Variants in SIPA1L3 observed in about 807,000 individuals in gnomAD.
SIPA1L3 encodes the protein signal-induced proliferation-associated 1-like protein 3.
In SIPA1L3, 59 loss-of-function variants were observed where a neutral mutation model predicts 150.1. The ratio of observed to expected loss-of-function variants is 0.39; its 90% CI spans 0.32 to 0.49. The LOEUF is 0.49. Ranked by LOEUF, SIPA1L3 falls within the 20% of genes least tolerant of loss-of-function variation. The pLI is 0.86. For missense variants in SIPA1L3, 2,211 were observed against 2,489.5 expected, an observed-to-expected ratio of 0.89 and a Z score of 2.38; for synonymous variants, 1,070 against 1,077.6, an observed-to-expected ratio of 0.99 and a Z score of 0.14.
chr19:38,136,035 G>A (rs1025019091), intron 10 of SIPA1L3, among the ~76,000 whole-genome samples: 9 of 151,664 alleles, frequency 5.9e-5, no homozygotes, highest in Non-Finnish European at 1.3e-4. Context: ...CAAGGCTGGA[G>A]TTTTGTTTGG....
chr19:38,192,937 C>T (rs1266719255), intron 17 of SIPA1L3, among the ~76,000 whole-genome samples: 1 of 152,142 alleles, frequency 6.6e-6, no homozygotes, highest in Non-Finnish European at 1.5e-5. Context: ...CAGCTTGGCT[C>T]ACACCACCTT....
intron 1 of SIPA1L3, among the ~76,000 whole-genome samples, chr19:37,947,073 G>T (rs1599827883): frequency 6.6e-6 from 1 of 150,490 alleles, no homozygotes. Flanking sequence ...GCACACCTGT[G>T]GTCTCAGCTA....
Position 38,162,293 on chromosome 19 carries a change from C to T in SIPA1L3, c.3702C>T (p.Ala1234=), listed in dbSNP as rs1282572963. Residue 1234 remains alanine, a synonymous_variant, in exon 14 of 22, where the codon GCC becomes GCT. Coordinates refer to ENST00000222345, the MANE Select transcript of SIPA1L3 (RefSeq NM_015073.3). ...TGCCTGCCCAGGCCAGGCTCTCAGCCATAGCCGGAAGCAGCGGGAACAAGC... is the reference window on the plus strand; with the variant it reads ...TGCCTGCCCAGGCCAGGCTCTCAGCTATAGCCGGAAGCAGCGGGAACAAGC... The part of the protein sequence containing the change: ...WHVPAQARLS[A]IAGSSGNKHP... 1.2e-6 allele frequency: 2 copies of T among 1,614,156 alleles called. No homozygotes were observed. Among genetic ancestry groups the T allele is most frequent in the African/African-American group, 1.3e-5 (1 of 74,958 alleles).
intron 12 of SIPA1L3, among the ~76,000 whole-genome samples, chr19:38,142,912 G>A (rs191169389): frequency 9.9e-5 from 15 of 152,264 alleles, no homozygotes; most frequent in Middle Eastern, 3.4e-3. Flanking sequence ...AGGACCCATC[G>A]TTGGCTTTCC....
At chr19:38,099,731 A>G (rs1173451819) in intron 4 of SIPA1L3, among the ~76,000 whole-genome samples, 1 of 152,094 alleles carries the variant, frequency 6.6e-6, no homozygotes, top group Non-Finnish European at 1.5e-5. Context: ...TCCTGTACCC[A>G]TTTCACAAAA....
In SIPA1L3 at chr19:38,095,599, T is replaced by A. The variant is rs139214420; in HGVS notation, c.1666-4363T>A. Among the ~76,000 whole-genome samples the A allele has an allele frequency of 2.1e-4, 32 of 152,268 alleles. No individual in the cohort carries two copies. In the East Asian group the frequency reaches 6.2e-3, roughly 29 times the overall value. On this transcript the variant is annotated intron_variant, in intron 4 of 21. Transcript: ENST00000222345. Reference sequence around the variant, plus strand: ...TTTCAGGCTCTGAGCAGAGGAAGGCTGTGATCTGACTCAGGCAGCTGTAGA... The same window carrying A: ...TTTCAGGCTCTGAGCAGAGGAAGGCAGTGATCTGACTCAGGCAGCTGTAGA...
At chr19:38,201,750 C>G in intron 19 of SIPA1L3, 112 bp from the exon 20 acceptor site, 1 of 1,237,880 alleles carries the variant, frequency 8.1e-7, no homozygotes, top group South Asian at 1.6e-5. Context: ...GCAGTCTGTC[C>G]CAAGTGTGAT....
At chr19:38,177,762 A>G (rs1323783508) in intron 15 of SIPA1L3, among the ~76,000 whole-genome samples, 2 of 152,198 alleles carry the variant, frequency 1.3e-5, no homozygotes, top group Non-Finnish European at 2.9e-5. Context: ...GCAGTGGCTC[A>G]TGCCTGTGAT....
At chr19:38,111,977 A>C (rs1042287472) in intron 8 of SIPA1L3, among the ~76,000 whole-genome samples, 8 of 130,796 alleles carry the variant, frequency 6.1e-5, no homozygotes, top group Non-Finnish European at 7.9e-5. Context: ...ATGCACACAC[A>C]TGCACACAGG....
intron 1 of SIPA1L3, among the ~76,000 whole-genome samples, chr19:38,026,590 C>T (rs1020732658): frequency 6.6e-6 from 1 of 152,168 alleles, no homozygotes; most frequent in Non-Finnish European, 1.5e-5. Flanking sequence ...ACGCCTGGAA[C>T]CCCTTCCCAT....
At chr19:37,976,104 T>TAA (rs374630193) in intron 1 of SIPA1L3, among the ~76,000 whole-genome samples, 1,741 of 120,324 alleles carry the variant, frequency 0.014, 55 homozygotes, top group African/African-American at 0.05. Context: ...GGCTCTGTCT[T>TAA]AAAAAAAAAA....
intron 15 of SIPA1L3, among the ~76,000 whole-genome samples, chr19:38,169,034 CCT>C (rs1044053242): frequency 2.6e-5 from 4 of 152,054 alleles, no homozygotes; most frequent in African/African-American, 4.8e-5. Context: ...CAACTCACCC[CCT>C]GATTTTACAG....
intron 2 of SIPA1L3, among the ~76,000 whole-genome samples, chr19:38,043,271 C>T (rs1054719987): frequency 5.3e-5 from 8 of 152,000 alleles, no homozygotes; most frequent in Admixed American, 3.9e-4. Flanking sequence ...ACCTGGGAGG[C>T]GGAGGTTGCA....
chr19:38,143,060 T>C (rs1971628876), intron 12 of SIPA1L3, among the ~76,000 whole-genome samples: 1 of 152,140 alleles, frequency 6.6e-6, no homozygotes, highest in Non-Finnish European at 1.5e-5. Flanking sequence ...GTTTTCGAGA[T>C]CTTTCAGGAT....
In SIPA1L3 at chr19:38,142,670, G is replaced by A. The variant is rs374163796; in HGVS notation, c.3493G>A (p.Gly1165Ser). 38 of 1,613,854 alleles carry A rather than the reference G, an allele frequency of 2.4e-5. No individual in the cohort carries two copies. The highest frequency in any genetic ancestry group is 5.3e-5 in the African/African-American group (4 of 74,886). ...RQPSGSFSTPGSATYVRYKPS... is the reference protein window; with the variant it reads ...RQPSGSFSTPSSATYVRYKPS... ...GCCTTCTGGGAGCTTCTCCACCCCC[G>A]GTTCGGCCACCTACGTGAGATACAA... is the stretch of plus-strand genomic sequence containing the variant. Residue 1165 changes from glycine to serine, a missense_variant, in exon 12 of 22, where the codon GGT becomes AGT. Around this residue, in one of 5 missense-constraint regions of SIPA1L3, gnomAD observed 806 missense variants for 870.1 expected, o/e 0.93. Coordinates refer to ENST00000222345, the MANE Select transcript of SIPA1L3 (RefSeq NM_015073.3).
chr19:37,943,705 G>A (rs1221397918), intron 1 of SIPA1L3, among the ~76,000 whole-genome samples: 1 of 152,150 alleles, frequency 6.6e-6, no homozygotes, highest in East Asian at 1.9e-4. Context: ...AACTCCAGCT[G>A]TAAAGGGAGC....
intron 15 of SIPA1L3, among the ~76,000 whole-genome samples, chr19:38,174,921 T>A (rs1034023920): frequency 2.0e-5 from 3 of 152,088 alleles, no homozygotes; most frequent in Non-Finnish European, 4.4e-5. Flanking sequence ...ACTGGAGACA[T>A]AGCTGGGCTC....
At chr19:38,000,232 C>T (rs1050624281) in intron 1 of SIPA1L3, among the ~76,000 whole-genome samples, 10 of 151,842 alleles carry the variant, frequency 6.6e-5, no homozygotes, top group African/African-American at 1.9e-4. Context: ...TTTGGGAGGC[C>T]GAGACGGGTG....
intron 1 of SIPA1L3, among the ~76,000 whole-genome samples, chr19:37,918,723 T>C (rs2046433156): frequency 6.6e-6 from 1 of 151,500 alleles, no homozygotes; most frequent in Non-Finnish European, 1.5e-5. Flanking sequence ...TAGAAAAAAT[T>C]AGCCAGGCAT....
Sources: gnomAD v4.1 joint callset for allele counts (sites outside exome capture counted in the v4.1 genomes callset) on GRCh38, gnomAD v4.1.1 for gene constraint, gnomAD v4.1.1 regional missense constraint, MANE v1.5 for transcripts, NCBI Gene and HGNC (gene_info 2026-07-23, HGNC 2026-07-21) for gene names.